The following MTUS2 variants were observed in gnomAD, a reference collection of about 807,000 sequenced individuals.
MTUS2 encodes microtubule-associated tumor suppressor candidate 2.
In MTUS2, 40 loss-of-function variants were observed where a neutral mutation model predicts 114.1. The ratio of observed to expected loss-of-function variants is 0.35; its 90% confidence interval spans 0.27 to 0.46. The LOEUF (loss-of-function observed/expected upper bound fraction) is 0.46. MTUS2 is among the 20% of genes least tolerant of loss of function. MTUS2 has a pLI of 1.00. For missense variants in MTUS2, 1,679 were observed against 1,705.4 expected, an observed-to-expected ratio of 0.98 and a Z score of 0.27; for synonymous variants, 688 against 672.0, an observed-to-expected ratio of 1.02 and a Z score of -0.37.
At chr13:28,963,290 G>A (rs896307751) in intron 2 of MTUS2, among the ~76,000 whole-genome samples, 5 of 152,192 alleles carry the variant, frequency 3.3e-5, no homozygotes, top group African/African-American at 1.2e-4. Flanking sequence ...GGCGGAAGTT[G>A]CAGTGAGCTG....
At chr13:28,927,109 C>G (rs1315467182) in intron 2 of MTUS2, among the ~76,000 whole-genome samples, 1 of 152,116 alleles carries the variant, frequency 6.6e-6, no homozygotes, top group East Asian at 1.9e-4. Flanking sequence ...ATCAGATTTT[C>G]TTCTACTTAA....
At chr13:28,872,513 T>G (rs1328051286) in intron 2 of MTUS2, among the ~76,000 whole-genome samples, 3 of 152,208 alleles carry the variant, frequency 2.0e-5, no homozygotes, top group African/African-American at 7.2e-5. Context: ...GGTGCATTAT[T>G]CTGCTGGATG....
At chr13:29,387,453 G>A (rs150941551) in intron 8 of MTUS2, among the ~76,000 whole-genome samples, 1 of 152,298 alleles carries the variant, frequency 6.6e-6, no homozygotes, top group Non-Finnish European at 1.5e-5. Context: ...GGTGAATGAA[G>A]GCTCTTCCCC....
At chr13:28,881,307 C>T (rs188627549) in intron 2 of MTUS2, among the ~76,000 whole-genome samples, 9 of 152,142 alleles carry the variant, frequency 5.9e-5, no homozygotes, top group East Asian at 3.9e-4. Context: ...GACATTAGTC[C>T]GTTCTTTTTA....
At chr13:29,105,908 G>A (rs763536014) in intron 5 of MTUS2, among the ~76,000 whole-genome samples, 1 of 152,032 alleles carries the variant, frequency 6.6e-6, no homozygotes, top group Non-Finnish European at 1.5e-5. Flanking sequence ...GTAGGGGAGC[G>A]GTGCTGTTGG....
chr13:29,472,227 G>A (rs896602119), intron 9 of MTUS2, among the ~76,000 whole-genome samples: 1 of 152,094 alleles, frequency 6.6e-6, no homozygotes, highest in African/African-American at 2.4e-5. Context: ...GTTTCACCAT[G>A]GCCAGGCTGG....
At chr13:29,058,756 TC>T (rs1809542372) in intron 4 of MTUS2, among the ~76,000 whole-genome samples, 1 of 141,062 alleles carries the variant, frequency 7.1e-6, no homozygotes, top group Non-Finnish European at 1.5e-5. Flanking sequence ...ATGTTCCCCT[TC>T]CTGTGTCCAT....
intron 2 of MTUS2, among the ~76,000 whole-genome samples, chr13:28,996,964 T>G: frequency 6.6e-6 from 1 of 152,360 alleles, no homozygotes; most frequent in Non-Finnish European, 1.5e-5. Flanking sequence ...CTCCTGCTTC[T>G]CTAGTTCTTT....
intron 8 of MTUS2, among the ~76,000 whole-genome samples, chr13:29,374,727 T>C (rs1321978025): frequency 6.6e-6 from 1 of 152,064 alleles, no homozygotes; most frequent in Non-Finnish European, 1.5e-5. Flanking sequence ...GGAAACCCCA[T>C]GTCTACTAAA....
intron 5 of MTUS2, among the ~76,000 whole-genome samples, chr13:29,107,071 C>T (rs979298709): frequency 1.3e-5 from 2 of 152,094 alleles, no homozygotes; most frequent in Non-Finnish European, 2.9e-5. Flanking sequence ...TATCCCTACC[C>T]GCACCACCTG....
intron 5 of MTUS2, among the ~76,000 whole-genome samples, chr13:29,127,674 C>A (rs941555474): frequency 6.6e-6 from 1 of 152,200 alleles, no homozygotes; most frequent in African/African-American, 2.4e-5. Flanking sequence ...TCTGCTGATT[C>A]TGTCTCTGGA....
chr13:29,237,741 A>G (rs192418742), intron 5 of MTUS2, among the ~76,000 whole-genome samples: 1 of 152,376 alleles, frequency 6.6e-6, no homozygotes, highest in East Asian at 1.9e-4. Context: ...TTGCTAAAAT[A>G]TAGGCAAATG....
At chr13:28,948,502 C>A (rs967938546) in intron 2 of MTUS2, among the ~76,000 whole-genome samples, 1 of 152,124 alleles carries the variant, frequency 6.6e-6, no homozygotes, top group African/African-American at 2.4e-5. Context: ...TGGCAGGCAC[C>A]TGCCTGTCTG....
intron 2 of MTUS2, among the ~76,000 whole-genome samples, chr13:28,950,223 T>C (rs2138171092): frequency 6.6e-6 from 1 of 152,330 alleles, no homozygotes; most frequent in African/African-American, 2.4e-5. Context: ...CTTCATATTC[T>C]TGTTGGCCAT....
rs1048900685 is a variant in MTUS2, at chr13:29,025,132, A to G, written c.434A>G (p.Asp145Gly). The G allele has an allele frequency of 6.2e-7, 1 of 1,613,852 alleles. No homozygotes were observed. Among genetic ancestry groups the G allele is most frequent in the African/African-American group, 1.3e-5 (1 of 74,922 alleles). Reference sequence around the variant, plus strand: ...AATGTGATGAGTGAGGCCAGTCTAGACGTTTTGGCTAAAAGGGATGCTGAA... The same window carrying G: ...AATGTGATGAGTGAGGCCAGTCTAGGCGTTTTGGCTAAAAGGGATGCTGAA... ...WRNVMSEASLDVLAKRDAEIP... is the reference protein window; with the variant it reads ...WRNVMSEASLGVLAKRDAEIP... Residue 145 changes from aspartate to glycine, a missense_variant, in exon 3 of 16, where the codon GAC becomes GGC. Coordinates refer to ENST00000612955, the MANE Select transcript of MTUS2 (RefSeq NM_001033602.4).
At chr13:29,462,462 TTGGGGCCA>T (rs1879569496) in intron 9 of MTUS2, among the ~76,000 whole-genome samples, 1 of 151,876 alleles carries the variant, frequency 6.6e-6, no homozygotes, top group Non-Finnish European at 1.5e-5. Flanking sequence ...GAGAAAACAG[TTGGGGCCA>T]TTGCAGTTAT....
intron 6 of MTUS2, among the ~76,000 whole-genome samples, chr13:29,314,232 C>T (rs1003324225): frequency 6.6e-6 from 1 of 152,100 alleles, no homozygotes; most frequent in East Asian, 1.9e-4. Flanking sequence ...AAGAATGGCT[C>T]TAAGAAAACA....
chr13:29,276,039 A>G (rs1018341175), intron 5 of MTUS2, among the ~76,000 whole-genome samples: 4 of 152,154 alleles, frequency 2.6e-5, no homozygotes, highest in Admixed American at 1.3e-4. Flanking sequence ...TCTAAGATCT[A>G]TTTTAAATTA....
intron 10 of MTUS2, among the ~76,000 whole-genome samples, chr13:29,482,840 C>A (rs1327350983): frequency 6.6e-6 from 1 of 152,188 alleles, no homozygotes; most frequent in Non-Finnish European, 1.5e-5. Flanking sequence ...GAGAGTGAAG[C>A]CTGTGAATTA....
Sources: allele counts gnomAD v4.1 joint callset (sites outside exome capture counted in the v4.1 genomes callset), GRCh38; gene constraint gnomAD v4.1.1; transcripts MANE v1.5; gene names NCBI Gene and HGNC (gene_info 2026-07-23, HGNC 2026-07-21).